The following ISL1 variants were observed in gnomAD, a reference collection of about 807,000 sequenced individuals.
ISL1 encodes ISL LIM homeobox 1, also known as insulin gene enhancer protein ISL-1.
In ISL1, 4 loss-of-function variants were observed where a neutral mutation model predicts 35.3. The ratio of observed to expected loss-of-function variants is 0.11; its 90% confidence interval spans 0.06 to 0.26. The LOEUF is 0.26. Ranked by LOEUF, ISL1 falls within the 10% of genes least tolerant of loss-of-function variation. The pLI is 1.00. For synonymous variants in ISL1, 186 were observed against 172.3 expected, an observed-to-expected ratio of 1.08 and a Z score of -0.62; for missense variants, 340 against 472.8, an observed-to-expected ratio of 0.72 and a Z score of 2.60.
chr5:51,390,492 CAGGTG>C (rs1292794674), intron 4 of ISL1, among the ~76,000 whole-genome samples: 2 of 152,028 alleles, frequency 1.3e-5, no homozygotes, highest in East Asian at 3.9e-4. Context: ...CCCTCTGCTC[CAGGTG>C]AAGCCCAGGC....
At chr5:51,388,275 G>C (rs554429711) in intron 3 of ISL1, among the ~76,000 whole-genome samples, 1 of 152,142 alleles carries the variant, frequency 6.6e-6, no homozygotes, top group Non-Finnish European at 1.5e-5. Flanking sequence ...CTTTCTGTGA[G>C]AGAACAGGAC....
chr5:51,394,676 TTATATCTTCAG>T lies in ISL1; in HGVS notation c.*1067_*1077del. 2 of 152,744 alleles carry T rather than the reference TTATATCTTCAG, an allele frequency of 1.3e-5. No homozygotes were observed. The highest frequency in any genetic ancestry group is 4.1e-4 in the South Asian group (2 of 4,830). The allele number at this position is 152,744 out of a possible 1,614,324, so 9.5% of individuals were successfully genotyped here. ...TGAAATCAAAGCGCCATATGTAGAATTATATCTTCAGGACTATTTCACTAATAAACATTTGG... is the reference window on the plus strand; with the variant it reads ...TGAAATCAAAGCGCCATATGTAGAATGACTATTTCACTAATAAACATTTGG... On this transcript the variant is annotated 3_prime_UTR_variant, in exon 6 of 6. Coordinates refer to ENST00000230658, the MANE Select transcript of ISL1 (RefSeq NM_002202.3).
chr5:51,385,139 A>C (rs1300336382), intron 2 of ISL1, among the ~76,000 whole-genome samples: 1 of 152,222 alleles, frequency 6.6e-6, no homozygotes, highest in African/African-American at 2.4e-5. Context: ...TTTTAAAATT[A>C]GTAGCTTACA....
intron 4 of ISL1, among the ~76,000 whole-genome samples, chr5:51,390,862 G>A (rs1190916407): frequency 6.6e-6 from 1 of 150,816 alleles, no homozygotes; most frequent in Non-Finnish European, 1.5e-5. Flanking sequence ...AGAACGGCTT[G>A]GAAAAAATCT....
chr5:51,384,234 CAA>C (rs1257103072), intron 1 of ISL1, among the ~76,000 whole-genome samples: 1 of 124,078 alleles, frequency 8.1e-6, no homozygotes, highest in Non-Finnish European at 1.6e-5. Flanking sequence ...ATGATTATAG[CAA>C]AGAGGAAGGG....
At chr5:51,386,546 C>T in intron 2 of ISL1, 3 of 455,302 alleles carry the variant, frequency 6.6e-6, no homozygotes, top group South Asian at 1.6e-5. Context: ...GTAGGAATGC[C>T]CCAGCTTCTG....
chr5:51,390,636 C>CCTTTTTTTTTTTTT (rs1747475980), intron 4 of ISL1, among the ~76,000 whole-genome samples: 13 of 74,332 alleles, frequency 1.7e-4, no homozygotes, highest in African/African-American at 5.1e-4. Flanking sequence ...TCTTTTCTTT[C>CCTTTTTTTTTTTTT]TTTTTCTTTT....
intron 4 of ISL1, among the ~76,000 whole-genome samples, 191 bp from the exon 5 acceptor site, chr5:51,391,083 G>A (rs889558040): frequency 6.6e-6 from 1 of 152,102 alleles, no homozygotes; most frequent in Non-Finnish European, 1.5e-5. Flanking sequence ...GCCCACAGAG[G>A]CAGAAAAACA....
chr5:51,384,573 G>T lies in ISL1; in HGVS notation c.61G>T (p.Gly21Cys). 1 of 1,614,068 alleles carries T rather than the reference G, an allele frequency of 6.2e-7. No individual in the cohort carries two copies. The highest frequency in any genetic ancestry group is 8.5e-7 in the Non-Finnish European group (1 of 1,180,022). Residue 21 changes from glycine (G) to cysteine (C), a missense_variant, in exon 2 of 6, where the codon GGC becomes TGC. Around this residue, in one of 7 missense-constraint regions of ISL1, gnomAD observed 70 missense variants for 130.3 expected, o/e 0.54. Transcript: ENST00000230658. ...TCTGATTTCCCTATGTGTTGGTTGC[G>T]GCAATCAGATTCACGATCAGTATAT... ...KRLISLCVGC[G>C]NQIHDQYILR...
chr5:51,387,341 C>G lies in ISL1; in HGVS notation c.219-149C>G. 1.2e-6 allele frequency: 1 copy of G among 819,948 alleles called. No homozygotes were observed. The highest frequency in any genetic ancestry group is 2.0e-6 in the Non-Finnish European group (1 of 497,254). The allele number at this position is 819,948 out of a possible 1,614,324, so 50.8% of individuals were successfully genotyped here. A position where few individuals can be genotyped will look rare whatever the true frequency, so the allele number is the denominator to read the frequency against. ...AGAGCAGGGTTTCATTTCTGTCCTT[C>G]TGTTTCCAACTTCTGTTTGGAAATG... is the stretch of plus-strand genomic sequence containing the variant. On this transcript the variant is annotated intron_variant, in intron 2 of 5. Transcript: ENST00000230658. This position sits in a 1 kb window ranked among gnomAD's most constrained non-coding sequence, Gnocchi z 4.3.
Position 51,393,686 on chromosome 5 carries a change from A to G in ISL1, c.*76A>G. The G allele has an allele frequency of 1.1e-6, 1 of 904,924 alleles. No individual in the cohort carries two copies. Among genetic ancestry groups the G allele is most frequent in the Non-Finnish European group, 1.9e-6 (1 of 533,868 alleles). 56.1% of individuals were successfully genotyped at this position (904,924 alleles called of 1,614,324 possible). Reference sequence around the variant, plus strand: ...TAATGTCGAACTCTGAAACAAAAGTATTTAACGACCCAGTCAATGAAAACT... The same window carrying G: ...TAATGTCGAACTCTGAAACAAAAGTGTTTAACGACCCAGTCAATGAAAACT... On this transcript the variant is annotated 3_prime_UTR_variant, in exon 6 of 6. Coordinates refer to ENST00000230658, the MANE Select transcript of ISL1 (RefSeq NM_002202.3).
At position 51,389,686 on chromosome 5, in the gene ISL1, C is replaced by G; in HGVS notation, c.519C>G (p.His173Gln). Reference protein sequence around the residue: ...ISARQPALRPHVHKQPEKTTR... With the variant: ...ISARQPALRPQVHKQPEKTTR... ...CCAGGCAGCCAGCCCTGCGGCCCCA[C>G]GTCCACAAGCAGCCGGAGAAGACCA... The change falls in exon 4 of 6, where the codon CAC becomes CAG. Residue 173 changes from histidine (H) to glutamine (Q), a missense_variant. Coordinates refer to ENST00000230658, the MANE Select transcript of ISL1 (RefSeq NM_002202.3). This position sits in a 1 kb window ranked among gnomAD's most constrained non-coding sequence, Gnocchi z 5.0. The G allele has an allele frequency of 6.2e-7, 1 of 1,612,822 alleles. No homozygotes were observed. The highest frequency in any genetic ancestry group is 8.5e-7 in the Non-Finnish European group (1 of 1,179,908).
rs1299133870 is a variant in ISL1 at position 51,383,540 on chromosome 5, C to A, written c.-132C>A. On this transcript the variant is annotated 5_prime_UTR_variant, in exon 1 of 6. Coordinates refer to ENST00000230658, the MANE Select transcript of ISL1 (RefSeq NM_002202.3). ...GCGAGGGCGCGGCGCAGCCGAGCAG[C>A]GGCTCTTTCAGCATTGGCAACCCCA... 4.9e-6 allele frequency: 4 copies of A among 816,166 alleles called. No homozygotes were observed. The highest frequency in any genetic ancestry group is 3.4e-5 in the African/African-American group (2 of 59,608). The allele number at this position is 816,166 out of a possible 1,614,324, so 50.6% of individuals were successfully genotyped here.
At chr5:51,384,011 G>C (rs1747277240) in intron 1 of ISL1, among the ~76,000 whole-genome samples, 1 of 152,098 alleles carries the variant, frequency 6.6e-6, no homozygotes, top group South Asian at 2.1e-4. Context: ...GCAAAGGTCT[G>C]CCTGCACAGT....
chr5:51,384,677 C>T lies in ISL1; in HGVS notation c.165C>T (p.Ser55=). The change falls in exon 2 of 6, where the codon AGC becomes AGT. Residue 55 remains serine, a synonymous_variant. Transcript: ENST00000230658. Reference sequence around the variant, plus strand: ...AGTGTAATCAGTATTTGGACGAGAGCTGTACATGCTTTGTTAGGGATGGGA... The same window carrying T: ...AGTGTAATCAGTATTTGGACGAGAGTTGTACATGCTTTGTTAGGGATGGGA... ...CAECNQYLDE[S]CTCFVRDGKT... The T allele has an allele frequency of 1.9e-6, 3 of 1,614,086 alleles. No individual in the cohort carries two copies. The highest frequency in any genetic ancestry group is 4.5e-5 in the East Asian group (2 of 44,862).
At chr5:51,386,951 G>A (rs1471757648) in intron 2 of ISL1, among the ~76,000 whole-genome samples, 1 of 152,126 alleles carries the variant, frequency 6.6e-6, no homozygotes, top group Non-Finnish European at 1.5e-5. Flanking sequence ...AACCGAGTGG[G>A]GTGACAATCC....
intron 2 of ISL1, chr5:51,386,531 T>C: frequency 6.6e-6 from 3 of 452,826 alleles, no homozygotes; most frequent in South Asian, 4.7e-5. Context: ...CCATTCTTTC[T>C]GTTCGTAGGA....
Position 51,387,604 on chromosome 5 carries a change from C to A in ISL1, c.333C>A (p.Ser111Arg). Residue 111 changes from serine to arginine, a missense_variant, in exon 3 of 6, where the codon AGC becomes AGA. By Grantham distance (110) the Ser-to-Arg change is moderately radical. Coordinates refer to ENST00000230658, the MANE Select transcript of ISL1 (RefSeq NM_002202.3). The surrounding 1 kb of genome is among the most constrained non-coding windows in gnomAD (Gnocchi z 4.3). ...AGTGTTTCCGCTGTGTGGCCTGCAGCCGCCAGCTCATCCCTGGGGACGAAT... is the reference window on the plus strand; with the variant it reads ...AGTGTTTCCGCTGTGTGGCCTGCAGACGCCAGCTCATCCCTGGGGACGAAT... ...HIECFRCVAC[S>R]RQLIPGDEFA... 1 of 1,614,246 alleles carries A rather than the reference C, an allele frequency of 6.2e-7. No homozygotes were observed.
rs1216568542 is a variant in ISL1, at chr5:51,389,899, G to T, written c.732G>T (p.Lys244Asn). Residue 244 changes from lysine (K) to asparagine (N), a missense_variant, in exon 4 of 6, where the codon AAG (lysine) becomes AAT (asparagine). Coordinates refer to ENST00000230658, the MANE Select transcript of ISL1 (RefSeq NM_002202.3). This position sits in a 1 kb window ranked among gnomAD's most constrained non-coding sequence, Gnocchi z 5.0. The part of the protein sequence containing the change: ...CKDKKRSIMM[K>N]QLQQQQPNDK... ...ACAAGAAGCGAAGCATCATGATGAA[G>T]CAACTCCAGCAGCAGCAGCCCAATG... 2 of 1,613,986 alleles carry T rather than the reference G, an allele frequency of 1.2e-6. No homozygotes were observed. The highest frequency in any genetic ancestry group is 2.7e-5 in the African/African-American group (2 of 74,926).
Sources: allele counts gnomAD v4.1 joint callset (sites outside exome capture counted in the v4.1 genomes callset), GRCh38; gene constraint gnomAD v4.1.1; regional missense constraint gnomAD v4.1.1; non-coding constraint Gnocchi (gnomAD v3.1); transcripts MANE v1.5; gene names NCBI Gene and HGNC (gene_info 2026-07-23, HGNC 2026-07-21).